Variants in TESMIN observed in about 807,000 individuals in gnomAD.
TESMIN encodes the protein testis expressed metallothionein like protein, also known as CXC domain containing 2.
A neutral mutation model predicts 47.4 loss-of-function variants in TESMIN; 34 were observed. That is an observed-to-expected ratio of 0.72 (90% CI 0.55 to 0.96). TESMIN has a LOEUF of 0.96. TESMIN is among the 40% of genes least tolerant of loss of function. TESMIN has a pLI of 0.00. For missense variants in TESMIN, 610 were observed against 637.2 expected (o/e 0.96, Z 0.46); for synonymous variants, 278 against 258.9 (o/e 1.07, Z -0.71).
chr11:68,705,138 C>T (rs1374461629), downstream of TESMIN, among the ~76,000 whole-genome samples: 1 of 152,176 alleles, frequency 6.6e-6, no homozygotes, highest in African/African-American at 2.4e-5. Context: ...CACAGCCGGC[C>T]CCATGCACAA....
chr11:68,713,789 G>A (rs1946101687), intron 7 of TESMIN, among the ~76,000 whole-genome samples: 1 of 152,140 alleles, frequency 6.6e-6, no homozygotes, highest in African/African-American at 2.4e-5. Flanking sequence ...CACACTGCCT[G>A]ATCACAACTC....
chr11:68,750,576 C>T lies in TESMIN; in HGVS notation c.85G>A (p.Ala29Thr). 2.5e-6 allele frequency: 4 copies of T among 1,607,470 alleles called. No individual in the cohort carries two copies. Among genetic ancestry groups the T allele is most frequent in the Non-Finnish European group, 2.5e-6 (3 of 1,177,838 alleles). ...TELLSPEGPF[A>T]SENIGLKAPV... is the part of the protein sequence containing the mutation. ...GCCTTCAGGCCGATGTTCTCCGAAG[C>T]GAACGGACCCTCGGGGCTTAAGAGC... Residue 29 changes from alanine (A) to threonine (T), a missense_variant, in exon 2 of 10, where the codon GCT becomes ACT. Coordinates refer to ENST00000255087, the MANE Select transcript of TESMIN (RefSeq NM_004923.3).
chr11:68,741,766 C>T (rs1462320273), intron 5 of TESMIN, among the ~76,000 whole-genome samples: 8 of 152,170 alleles, frequency 5.3e-5, no homozygotes, highest in Admixed American at 3.3e-4. Context: ...AACCACAAAA[C>T]GCAAGCCAGT....
chr11:68,725,160 T>A (rs376757296), intron 6 of TESMIN, among the ~76,000 whole-genome samples: 11 of 152,322 alleles, frequency 7.2e-5, no homozygotes, highest in African/African-American at 2.2e-4. Flanking sequence ...ATCAGACCCA[T>A]GTGTAATCAA....
intron 3 of TESMIN, among the ~76,000 whole-genome samples, chr11:68,745,543 G>A (rs559775499): frequency 2.0e-5 from 3 of 152,246 alleles, no homozygotes; most frequent in South Asian, 2.1e-4. Flanking sequence ...AGGCCCTGGC[G>A]GCATGTCCCT....
intron 6 of TESMIN, 72 bp from the exon 7 acceptor site, chr11:68,716,011 G>T: frequency 9.8e-7 from 1 of 1,018,260 alleles, no homozygotes; most frequent in Non-Finnish European, 1.5e-6. Context: ...GAGCACACAC[G>T]TGTAAGGAAA....
intron 5 of TESMIN, among the ~76,000 whole-genome samples, chr11:68,741,552 C>T (rs1412778765): frequency 6.6e-6 from 1 of 152,192 alleles, no homozygotes; most frequent in Middle Eastern, 3.2e-3. Flanking sequence ...AAAATGTAAG[C>T]TGCAGGAGGG....
At chr11:68,739,030 G>A (rs1017573109) in intron 5 of TESMIN, among the ~76,000 whole-genome samples, 13 of 152,332 alleles carry the variant, frequency 8.5e-5, no homozygotes, top group East Asian at 3.9e-4. Context: ...CAAAGATGCA[G>A]GGCTGGCCTC....
chr11:68,732,629 C>G (rs4075299), intron 6 of TESMIN: 90,810 of 152,712 alleles, frequency 0.59, 28,471 homozygotes, highest in East Asian at 0.78. Context: ...CTCCCACTGT[C>G]CTTCCTCCTC....
chr11:68,750,768 A>ACAGCCAAGGGAGGGG (rs56362236), intron 1 of TESMIN, 69 bp from the exon 2 acceptor site: 23 of 225,160 alleles, frequency 1.0e-4, no homozygotes, highest in African/African-American at 6.3e-4. Context: ...AGGAAAGGGG[A>ACAGCCAAGGGAGGGG]CAGCCAAGGG....
At chr11:68,742,514 C>A in intron 4 of TESMIN, 120 bp from the exon 5 acceptor site, 3 of 565,794 alleles carry the variant, frequency 5.3e-6, no homozygotes, top group Non-Finnish European at 6.1e-6. Context: ...TTCAACTTAT[C>A]TTGATGCTAG....
chr11:68,745,155 T>G (rs1946503272), intron 3 of TESMIN, 44 bp from the exon 4 acceptor site: 1 of 1,553,954 alleles, frequency 6.4e-7, no homozygotes, highest in East Asian at 2.3e-5. Flanking sequence ...TGAAACATAA[T>G]TCCAGTAATA....
intron 7 of TESMIN, among the ~76,000 whole-genome samples, chr11:68,715,384 GA>G (rs544290770): frequency 3.3e-5 from 5 of 152,306 alleles, no homozygotes; most frequent in Admixed American, 3.3e-4. Flanking sequence ...TCTGGAAGCT[GA>G]GGGGTGAAAT....
chr11:68,705,741 G>T (rs1000807449), downstream of TESMIN, among the ~76,000 whole-genome samples: 1 of 152,212 alleles, frequency 6.6e-6, no homozygotes, highest in African/African-American at 2.4e-5. Flanking sequence ...ATATGGTTAA[G>T]GCTGGGCGCG....
intron 6 of TESMIN, chr11:68,737,808 G>T (rs1946405066): frequency 1.3e-6 from 1 of 759,688 alleles, no homozygotes; most frequent in South Asian, 6.0e-5. Context: ...AGCTACTCGG[G>T]AGGCTGAGGA....
rs184985610 is a variant in TESMIN, at chr11:68,736,918, T to C, written c.917+1782A>G. The C allele has an allele frequency of 4.2e-5, 41 of 985,346 alleles. No homozygotes were observed. In the African/African-American group the frequency reaches 6.8e-4, roughly 16 times the overall value. 61.0% of individuals were successfully genotyped at this position (985,346 alleles called of 1,614,324 possible). ...TGTCATGACTGCTGCTCTGTGCAAATGCCCATCGGCTGCAACACATAGAAG... is the reference window on the plus strand; with the variant it reads ...TGTCATGACTGCTGCTCTGTGCAAACGCCCATCGGCTGCAACACATAGAAG... On this transcript the variant is annotated intron_variant, in intron 6 of 9. Coordinates refer to ENST00000255087, the MANE Select transcript of TESMIN (RefSeq NM_004923.3).
chr11:68,736,544 C>T (rs972954479), intron 6 of TESMIN: 1 of 985,288 alleles, frequency 1.0e-6, no homozygotes, highest in African/African-American at 1.7e-5. Flanking sequence ...TCCAGTATAT[C>T]ATCAGTATTG....
At chr11:68,725,059 T>C (rs183003925) in intron 6 of TESMIN, among the ~76,000 whole-genome samples, 1 of 152,264 alleles carries the variant, frequency 6.6e-6, no homozygotes, top group East Asian at 1.9e-4. Context: ...GATAAGATCA[T>C]TGTTTAAATA....
At chr11:68,725,394 A>C (rs1413287547) in intron 6 of TESMIN, among the ~76,000 whole-genome samples, 2 of 152,222 alleles carry the variant, frequency 1.3e-5, no homozygotes, top group Non-Finnish European at 2.9e-5. Flanking sequence ...TCCCACCTTG[A>C]TCTAGGTTGC....
Sources: gnomAD v4.1 joint callset for allele counts (sites outside exome capture counted in the v4.1 genomes callset) on GRCh38, gnomAD v4.1.1 for gene constraint, MANE v1.5 for transcripts, NCBI Gene and HGNC (gene_info 2026-07-23, HGNC 2026-07-21) for gene names.